Variants in MTTP observed in about 807,000 individuals in gnomAD.
MTTP encodes the protein microsomal triglyceride transfer protein.
Under a neutral mutation model 90.6 loss-of-function variants are expected in MTTP, and 49 were observed. That is an observed-to-expected ratio of 0.54 (90% CI 0.43 to 0.69). MTTP has a LOEUF of 0.69. Among genes scored for constraint, MTTP ranks in the 30% least tolerant of loss-of-function variants. The pLI is 0.00. For synonymous variants in MTTP, 347 were observed against 384.2 expected (o/e 0.90, Z 1.13); for missense variants, 945 against 1,067.5 (o/e 0.89, Z 1.60).
chr4:99,583,706 T>C, intron 3 of MTTP, 189 bp downstream of exon 3: 1 of 682,710 alleles, frequency 1.5e-6, no homozygotes, highest in Non-Finnish European at 2.5e-6. Context: ...TTCCCTTACA[T>C]TTACTAGCCA....
chr4:99,609,536 C>T (rs1725900442), intron 12 of MTTP, among the ~76,000 whole-genome samples: 1 of 152,104 alleles, frequency 6.6e-6, no homozygotes, highest in Non-Finnish European at 1.5e-5. Flanking sequence ...TGCAAAGTGG[C>T]TCCCCCAAGG....
At position 99,591,341 on chromosome 4, in the gene MTTP, C is replaced by A. The variant is rs751913037; in HGVS notation, c.608C>A (p.Thr203Asn). The A allele has an allele frequency of 1.9e-6, 3 of 1,608,094 alleles. No individual in the cohort carries two copies. The highest frequency in any genetic ancestry group is 1.7e-6 in the Non-Finnish European group (2 of 1,174,762). ...AAAATAGCGAGGTCTGGATTTACGA[C>A]CCCAAATCAGGTATGATAGATGTCA... is the stretch of plus-strand genomic sequence containing the variant. The part of the protein sequence containing the change: ...SCKIARSGFT[T>N]PNQVLGVSSK... The change falls in exon 5 of 18, where the codon ACC (threonine) becomes AAC (asparagine). Residue 203 changes from threonine (T) to asparagine (N), a missense_variant. Coordinates refer to ENST00000265517, the MANE Select transcript of MTTP (RefSeq NM_001386140.1).
At position 99,611,383 on chromosome 4, in the gene MTTP, C is replaced by T; in HGVS notation, c.1919C>T (p.Ser640Phe). Residue 640 changes from serine to phenylalanine, a missense_variant, in exon 14 of 18, where the codon TCT becomes TTT. Transcript: ENST00000265517. ...AGCCTAGACATTCTCTACTCGGGTT[C>T]TGGCATTCTAAGGAGAAGTAACCTG... ...TYSLDILYSG[S>F]GILRRSNLNI... The T allele has an allele frequency of 6.2e-7, 1 of 1,614,026 alleles. No homozygotes were observed. Among genetic ancestry groups the T allele is most frequent in the East Asian group, 2.2e-5 (1 of 44,878 alleles).
At chr4:99,568,793 T>C (rs1724766177) in intron 1 of MTTP, among the ~76,000 whole-genome samples, 1 of 152,122 alleles carries the variant, frequency 6.6e-6, no homozygotes, top group African/African-American at 2.4e-5. Flanking sequence ...TCCCAGTGGC[T>C]AAAGATAGAA....
intron 3 of MTTP, among the ~76,000 whole-genome samples, chr4:99,586,706 C>T (rs1725266943): frequency 6.6e-6 from 1 of 152,028 alleles, no homozygotes; most frequent in Non-Finnish European, 1.5e-5. Context: ...TGTTTGGCCA[C>T]TTAATGGAAT....
chr4:99,607,590 G>A (rs1445594400), intron 11 of MTTP, among the ~76,000 whole-genome samples: 3 of 152,080 alleles, frequency 2.0e-5, no homozygotes, highest in Admixed American at 2.0e-4. Context: ...CAAGATTTGA[G>A]GGAGTTAGTA....
intron 3 of MTTP, 139 bp downstream of exon 3, chr4:99,583,656 T>A: frequency 2.8e-6 from 3 of 1,058,334 alleles, no homozygotes; most frequent in Non-Finnish European, 4.3e-6. Context: ...AGAACAGAGG[T>A]TGTAAATTAA....
At chr4:99,565,999 A>T (rs1367744463) in intron 1 of MTTP, among the ~76,000 whole-genome samples, 3 of 152,210 alleles carry the variant, frequency 2.0e-5, no homozygotes, top group Non-Finnish European at 2.9e-5. Context: ...GAAGAAAAAT[A>T]GGTTTTGAGG....
intron 10 of MTTP, among the ~76,000 whole-genome samples, chr4:99,605,471 T>A (rs1026300266): frequency 1.3e-5 from 2 of 152,156 alleles, no homozygotes; most frequent in Non-Finnish European, 2.9e-5. Flanking sequence ...TTATTTAATA[T>A]CTCCTATGAA....
intron 3 of MTTP, 85 bp from the exon 4 acceptor site, chr4:99,589,558 A>G: frequency 1.3e-6 from 1 of 793,800 alleles, no homozygotes. Context: ...TACAGGTAAG[A>G]ATCTGACCTT....
intron 15 of MTTP, among the ~76,000 whole-genome samples, 190 bp downstream of exon 15, chr4:99,613,330 A>G (rs577974745): frequency 6.6e-6 from 1 of 152,272 alleles, no homozygotes; most frequent in African/African-American, 2.4e-5. Flanking sequence ...TTCATATATT[A>G]GATGATTAAT....
chr4:99,595,168 TA>T (rs1712852172), intron 7 of MTTP, among the ~76,000 whole-genome samples: 1 of 152,176 alleles, frequency 6.6e-6, no homozygotes, highest in Non-Finnish European at 1.5e-5. Context: ...TTAATGAAGT[TA>T]GGGGGAAGCA....
chr4:99,614,425 G>A (rs1726047903), intron 15 of MTTP, among the ~76,000 whole-genome samples: 1 of 152,200 alleles, frequency 6.6e-6, no homozygotes, highest in Non-Finnish European at 1.5e-5. Flanking sequence ...ATTAAACAGT[G>A]TTAATTTTCT....
chr4:99,564,913 C>G (rs906014412), intron 1 of MTTP, among the ~76,000 whole-genome samples: 2 of 152,220 alleles, frequency 1.3e-5, no homozygotes, highest in Non-Finnish European at 2.9e-5. Context: ...TAAAGTCACT[C>G]TTGCCATAAG....
chr4:99,622,532 AT>A, intron 17 of MTTP, 144 bp from the exon 18 acceptor site: 1 of 801,154 alleles, frequency 1.2e-6, no homozygotes, highest in South Asian at 1.5e-5. Flanking sequence ...AAAATCACCC[AT>A]TCATGGAGTA....
At chr4:99,610,113 T>G (rs1250582230) in intron 12 of MTTP, among the ~76,000 whole-genome samples, 2 of 152,158 alleles carry the variant, frequency 1.3e-5, no homozygotes, top group African/African-American at 2.4e-5. Flanking sequence ...ATCTCTCCAC[T>G]GTAGGGCTGT....
chr4:99,589,756 T>C lies in MTTP; in HGVS notation c.501+6T>C. 1 of 1,485,966 alleles carries C rather than the reference T, an allele frequency of 6.7e-7. No individual in the cohort carries two copies. Among genetic ancestry groups the C allele is most frequent in the Non-Finnish European group, 9.4e-7 (1 of 1,065,432 alleles). 92.0% of individuals were successfully genotyped at this position (1,485,966 alleles called of 1,614,324 possible). ...GCTCTGGAACCACCAATGAGGTACT[T>C]ACCAATATTAATAAGGATTCAGCAT... On this transcript the variant is annotated splice_donor_region_variant and intron_variant, in intron 4 of 17. Transcript: ENST00000265517.
At position 99,621,362 on chromosome 4, in the gene MTTP, A is replaced by G. The variant is rs1385263779; in HGVS notation, c.2513+131A>G. The G allele has an allele frequency of 3.4e-6, 4 of 1,193,260 alleles. No homozygotes were observed. The East Asian group carries it at 9.5e-5, about 28-fold the overall frequency. 73.9% of individuals were successfully genotyped at this position (1,193,260 alleles called of 1,614,324 possible). On this transcript the variant is annotated intron_variant, in intron 17 of 17. Coordinates refer to ENST00000265517, the MANE Select transcript of MTTP (RefSeq NM_001386140.1). Reference sequence around the variant, plus strand: ...ACCCAGGGAAAGATGAATTTTCTTTAAATGAGTAGAAGAATAATTGATAAG... The same window carrying G: ...ACCCAGGGAAAGATGAATTTTCTTTGAATGAGTAGAAGAATAATTGATAAG...
chr4:99,590,566 C>T (rs913235413), intron 4 of MTTP, among the ~76,000 whole-genome samples: 5 of 152,106 alleles, frequency 3.3e-5, no homozygotes, highest in South Asian at 2.1e-4. Context: ...AGACTGAATT[C>T]AACCAGCCCA....
Sources: gnomAD v4.1 joint callset for allele counts (sites outside exome capture counted in the v4.1 genomes callset) on GRCh38, gnomAD v4.1.1 for gene constraint, MANE v1.5 for transcripts, NCBI Gene and HGNC (gene_info 2026-07-23, HGNC 2026-07-21) for gene names.